The following LUZP2 variants were observed in gnomAD, a reference collection of about 807,000 sequenced individuals.
LUZP2 encodes leucine zipper protein 2.
Under a neutral mutation model 51.6 loss-of-function variants are expected in LUZP2, and 52 were observed. That is an observed-to-expected ratio of 1.01 (90% CI 0.81 to 1.27). The LOEUF (loss-of-function observed/expected upper bound fraction) is 1.27. Among genes scored for constraint, LUZP2 ranks in the 50% most tolerant of loss-of-function variants. The pLI, the probability that LUZP2 is intolerant of heterozygous loss-of-function variation, is 0.00. For synonymous variants in LUZP2, 154 were observed against 137.3 expected (o/e 1.12, Z -0.85); for missense variants, 436 against 395.4 (o/e 1.10, Z -0.87).
At chr11:24,591,222 C>A (rs1164005089) in intron 1 of LUZP2, among the ~76,000 whole-genome samples, 2 of 152,072 alleles carry the variant, frequency 1.3e-5, no homozygotes, top group Non-Finnish European at 2.9e-5. Flanking sequence ...GGGTAAAAAG[C>A]AAGTTCATCA....
At chr11:24,837,747 G>A (rs1203163532) in intron 5 of LUZP2, among the ~76,000 whole-genome samples, 1 of 151,584 alleles carries the variant, frequency 6.6e-6, no homozygotes, top group East Asian at 1.9e-4. Flanking sequence ...GTTGCTTTAA[G>A]GCTAAAAGAC....
At chr11:24,916,328 AT>A (rs770359447) in intron 7 of LUZP2, among the ~76,000 whole-genome samples, 2 of 151,174 alleles carry the variant, frequency 1.3e-5, no homozygotes, top group Admixed American at 6.6e-5. Context: ...TTTATTTTTT[AT>A]TTTTTTTATT....
At chr11:24,798,164 T>C (rs1849598166) in intron 5 of LUZP2, among the ~76,000 whole-genome samples, 1 of 151,932 alleles carries the variant, frequency 6.6e-6, no homozygotes, top group Non-Finnish European at 1.5e-5. Context: ...TGAAATATAA[T>C]TAGCTTCTTT....
Position 24,521,825 on chromosome 11 carries a change from T to C in LUZP2, c.62+24520T>C, listed in dbSNP as rs536490823. Among the ~76,000 whole-genome samples, 21 of 152,264 alleles carry C rather than the reference T, an allele frequency of 1.4e-4. No individual in the cohort carries two copies. The South Asian group carries it at 1.9e-3, about 14-fold the overall frequency. ...TTGAATACCAGCAATGTTTATGACA[T>C]AGAAGTTAAGACTTCTAAGTCATAA... On this transcript the variant is annotated intron_variant, in intron 1 of 11. Transcript: ENST00000336930.
At chr11:24,794,443 G>A (rs1849494626) in intron 5 of LUZP2, among the ~76,000 whole-genome samples, 2 of 152,078 alleles carry the variant, frequency 1.3e-5, no homozygotes, top group South Asian at 4.1e-4. Flanking sequence ...TTTCAGAATG[G>A]CTGTGATTGC....
At chr11:24,985,844 G>A (rs771213730) in intron 9 of LUZP2, among the ~76,000 whole-genome samples, 11 of 151,638 alleles carry the variant, frequency 7.3e-5, no homozygotes, top group Non-Finnish European at 1.6e-4. Flanking sequence ...AAGGATATTA[G>A]ATTAGATATC....
intron 5 of LUZP2, among the ~76,000 whole-genome samples, chr11:24,867,544 G>T (rs1851936164): frequency 6.6e-6 from 1 of 152,116 alleles, no homozygotes; most frequent in Non-Finnish European, 1.5e-5. Context: ...GCTTCAGGCT[G>T]CAAGCTCCTT....
chr11:24,814,043 TG>T (rs1182874945), intron 5 of LUZP2, among the ~76,000 whole-genome samples: 2 of 152,232 alleles, frequency 1.3e-5, no homozygotes, highest in African/African-American at 4.8e-5. Flanking sequence ...AGTGAACAAT[TG>T]GTAGTGTTAG....
At chr11:24,748,771 A>G (rs1859473069) in intron 4 of LUZP2, among the ~76,000 whole-genome samples, 1 of 152,128 alleles carries the variant, frequency 6.6e-6, no homozygotes, top group Non-Finnish European at 1.5e-5. Flanking sequence ...TCAAAAAATA[A>G]TTTAAAAATC....
At chr11:24,719,399 T>C (rs1476725060) in intron 1 of LUZP2, among the ~76,000 whole-genome samples, 5 of 152,154 alleles carry the variant, frequency 3.3e-5, no homozygotes, top group Non-Finnish European at 5.9e-5. Flanking sequence ...TTTAGTGAAA[T>C]TGGACAAACT....
intron 7 of LUZP2, among the ~76,000 whole-genome samples, chr11:24,933,925 G>A (rs1854524689): frequency 6.6e-6 from 1 of 152,122 alleles, no homozygotes; most frequent in South Asian, 2.1e-4. Flanking sequence ...CATTTTCAAG[G>A]GTGGGGAGAA....
chr11:24,892,493 CTCT>C, intron 5 of LUZP2: 1 of 692,094 alleles, frequency 1.4e-6, no homozygotes, highest in Non-Finnish European at 1.8e-6. Context: ...TAGCCTATTT[CTCT>C]TCAATAAAGC....
At chr11:24,857,604 C>A (rs536317150) in intron 5 of LUZP2, among the ~76,000 whole-genome samples, 1 of 149,404 alleles carries the variant, frequency 6.7e-6, no homozygotes, top group African/African-American at 2.5e-5. Context: ...AATGTTAAAT[C>A]AGTGCTAATA....
At chr11:24,576,377 C>T (rs185416113) in intron 1 of LUZP2, among the ~76,000 whole-genome samples, 1 of 133,052 alleles carries the variant, frequency 7.5e-6, no homozygotes, top group African/African-American at 2.9e-5. Context: ...CATGCCATTG[C>T]ACTCCAGCCT....
intron 1 of LUZP2, among the ~76,000 whole-genome samples, chr11:24,642,969 G>A (rs533658999): frequency 4.6e-5 from 7 of 152,180 alleles, no homozygotes; most frequent in Admixed American, 2.0e-4. Context: ...TAAAGAGAGA[G>A]CCTCTTTGAG....
chr11:24,655,353 A>AT (rs1450522537), intron 1 of LUZP2, among the ~76,000 whole-genome samples: 3 of 152,286 alleles, frequency 2.0e-5, no homozygotes, highest in African/African-American at 7.2e-5. Context: ...TGATGTAGTG[A>AT]TATCAAGATT....
At chr11:24,612,137 T>G (rs553118211) in intron 1 of LUZP2, among the ~76,000 whole-genome samples, 2 of 152,244 alleles carry the variant, frequency 1.3e-5, no homozygotes, top group Admixed American at 6.5e-5. Context: ...CAATTAAATT[T>G]AGCATAGAAT....
At chr11:24,960,336 T>G (rs962421455) in intron 7 of LUZP2, among the ~76,000 whole-genome samples, 1 of 152,198 alleles carries the variant, frequency 6.6e-6, no homozygotes, top group African/African-American at 2.4e-5. Flanking sequence ...TACCAGTTCC[T>G]CCTTGTACCT....
chr11:25,021,053 A>T (rs1204464919), intron 9 of LUZP2, among the ~76,000 whole-genome samples: 1 of 152,002 alleles, frequency 6.6e-6, no homozygotes, highest in African/African-American at 2.4e-5. Context: ...AAGATGATAA[A>T]CCCCTTCTGT....
Sources: gnomAD v4.1 joint callset for allele counts (sites outside exome capture counted in the v4.1 genomes callset) on GRCh38, gnomAD v4.1.1 for gene constraint, MANE v1.5 for transcripts, NCBI Gene and HGNC (gene_info 2026-07-23, HGNC 2026-07-21) for gene names.